Variants in PLCL1 observed in about 807,000 individuals in gnomAD.
PLCL1 encodes phospholipase C like 1 (inactive).
A neutral mutation model predicts 84.4 loss-of-function variants in PLCL1; 41 were observed. That is an observed-to-expected ratio of 0.49 (90% CI 0.38 to 0.63). The LOEUF is 0.63. PLCL1 is among the 30% of genes least tolerant of loss of function. The pLI, the probability that PLCL1 is intolerant of heterozygous loss-of-function variation, is 0.00. For missense variants in PLCL1, 1,206 were observed against 1,367.8 expected, an observed-to-expected ratio of 0.88 and a Z score of 1.87; for synonymous variants, 490 against 488.3, an observed-to-expected ratio of 1.00 and a Z score of -0.05.
intron 1 of PLCL1, among the ~76,000 whole-genome samples, chr2:197,993,053 C>T (rs1268332261): frequency 1.3e-5 from 2 of 152,144 alleles, no homozygotes; most frequent in Non-Finnish European, 2.9e-5. Context: ...GATTGTATGA[C>T]AATTCCATGT....
intron 1 of PLCL1, among the ~76,000 whole-genome samples, chr2:197,876,362 T>G (rs1687731618): frequency 6.6e-6 from 1 of 152,198 alleles, no homozygotes; most frequent in Non-Finnish European, 1.5e-5. Context: ...TCCCGGAATC[T>G]AATCTGAAAT....
At chr2:197,975,800 C>A (rs374529840) in intron 1 of PLCL1, among the ~76,000 whole-genome samples, 1 of 151,994 alleles carries the variant, frequency 6.6e-6, no homozygotes, top group African/African-American at 2.4e-5. Context: ...GGTAACACAG[C>A]GAGGCTCTTT....
Position 197,899,730 on chromosome 2 carries a change from G to A in PLCL1, c.240+94391G>A, listed in dbSNP as rs554046882. Among the ~76,000 whole-genome samples the A allele has an allele frequency of 2.4e-3, 356 of 148,728 alleles. 3 individuals carry two copies. Among genetic ancestry groups the A allele is most frequent in the Non-Finnish European group, 2.2e-3 (150 of 67,576 alleles). On this transcript the variant is annotated intron_variant, in intron 1 of 5. Transcript: ENST00000428675. The stretch of plus-strand genomic sequence containing the variant: ...GGCTCACTGCAAGCTCCGCCTCCCA[G>A]GTTCACGCCATTCTCCTGCCTCAGC...
rs545763395 is a variant in PLCL1 at position 197,807,020 on chromosome 2, A to G, written c.240+1681A>G. Reference sequence around the variant, plus strand: ...TGTGACAAAAAAGGAGGGAGACAACAGAATATTAACTTGATTTTTCCCCTA... The same window carrying G: ...TGTGACAAAAAAGGAGGGAGACAACGGAATATTAACTTGATTTTTCCCCTA... On this transcript the variant is annotated intron_variant, in intron 1 of 5. Coordinates refer to ENST00000428675, the MANE Select transcript of PLCL1 (RefSeq NM_006226.4). Among the ~76,000 whole-genome samples the G allele has an allele frequency of 3.3e-5, 5 of 152,354 alleles. No individual in the cohort carries two copies. The South Asian group carries it at 8.3e-4, about 25-fold the overall frequency.
At chr2:198,012,987 C>A (rs1284279871) in intron 1 of PLCL1, among the ~76,000 whole-genome samples, 1 of 152,000 alleles carries the variant, frequency 6.6e-6, no homozygotes. Context: ...TCTGCCCCCT[C>A]CCAGTTTATG....
intron 1 of PLCL1, among the ~76,000 whole-genome samples, chr2:197,998,173 C>CTGTGTG (rs1332006979): frequency 2.7e-4 from 21 of 77,342 alleles, no homozygotes; most frequent in Non-Finnish European, 3.7e-4. Context: ...AAGAATGGAG[C>CTGTGTG]TATGTGTGTG....
chr2:197,840,775 T>C (rs1485587290), intron 1 of PLCL1, among the ~76,000 whole-genome samples: 1 of 152,160 alleles, frequency 6.6e-6, no homozygotes, highest in African/African-American at 2.4e-5. Context: ...GAATGGACCA[T>C]AGCACCCTAG....
chr2:197,943,650 A>G (rs1483897779), intron 1 of PLCL1, among the ~76,000 whole-genome samples: 1 of 39,568 alleles, frequency 2.5e-5, no homozygotes, highest in South Asian at 7.0e-4. Flanking sequence ...TTTTTTTGTT[A>G]CTTTGTTGTG....
At chr2:197,813,043 C>T (rs958024305) in intron 1 of PLCL1, among the ~76,000 whole-genome samples, 11 of 152,130 alleles carry the variant, frequency 7.2e-5, no homozygotes, top group Non-Finnish European at 1.0e-4. Flanking sequence ...CAGGGGCACA[C>T]GCATTAGGGC....
intron 1 of PLCL1, among the ~76,000 whole-genome samples, chr2:197,876,689 A>G (rs1334526868): frequency 1.3e-5 from 2 of 152,072 alleles, no homozygotes; most frequent in African/African-American, 2.4e-5. Flanking sequence ...TCATTTTAAT[A>G]CTACACTTGC....
intron 1 of PLCL1, among the ~76,000 whole-genome samples, chr2:198,057,500 T>C (rs1213706158): frequency 6.6e-6 from 1 of 152,192 alleles, no homozygotes; most frequent in Non-Finnish European, 1.5e-5. Flanking sequence ...TTATCCAAGA[T>C]TACATAGTGA....
intron 1 of PLCL1, among the ~76,000 whole-genome samples, chr2:197,918,743 G>A (rs1480640461): frequency 2.6e-5 from 4 of 152,158 alleles, no homozygotes; most frequent in East Asian, 1.9e-4. Context: ...GCAACATGGC[G>A]AAACTCAATC....
intron 1 of PLCL1, among the ~76,000 whole-genome samples, chr2:197,914,701 G>A (rs1367373114): frequency 6.6e-6 from 1 of 152,180 alleles, no homozygotes; most frequent in East Asian, 1.9e-4. Flanking sequence ...GCAGTCCTGT[G>A]TCGCAGGGTG....
Position 198,084,120 on chromosome 2 carries a change from G to A in PLCL1, c.603G>A (p.Leu201=). 1.2e-6 allele frequency: 2 copies of A among 1,614,132 alleles called. No individual in the cohort carries two copies. The highest frequency in any genetic ancestry group is 8.5e-7 in the Non-Finnish European group (1 of 1,179,992). Reference sequence around the variant, plus strand: ...TCCACGGGGAAAACTATGAGTCTCTGGACCTAGTTGCCAATTCAGCAGATG... The same window carrying A: ...TCCACGGGGAAAACTATGAGTCTCTAGACCTAGTTGCCAATTCAGCAGATG... ...SILHGENYES[L]DLVANSADVA... The change falls in exon 2 of 6, where the codon CTG becomes CTA. Residue 201 remains leucine (L), a synonymous_variant. Transcript: ENST00000428675.
chr2:197,831,511 T>C (rs1691060406), intron 1 of PLCL1, among the ~76,000 whole-genome samples: 1 of 151,712 alleles, frequency 6.6e-6, no homozygotes, highest in African/African-American at 2.4e-5. Context: ...AGCACCCAGA[T>C]TCATAAAGCA....
intron 1 of PLCL1, among the ~76,000 whole-genome samples, chr2:197,820,393 T>C (rs1317875597): frequency 6.6e-6 from 1 of 152,130 alleles, no homozygotes; most frequent in African/African-American, 2.4e-5. Flanking sequence ...ATGGGGTATG[T>C]ATGCCAGCCT....
At chr2:198,043,142 C>G (rs2105861012) in intron 1 of PLCL1, among the ~76,000 whole-genome samples, 1 of 152,172 alleles carries the variant, frequency 6.6e-6, no homozygotes, top group East Asian at 1.9e-4. Flanking sequence ...AAGGCTGATT[C>G]TTGCAAGGGT....
At chr2:197,853,189 A>T (rs1687271595) in intron 1 of PLCL1, among the ~76,000 whole-genome samples, 1 of 152,224 alleles carries the variant, frequency 6.6e-6, no homozygotes, top group South Asian at 2.1e-4. Flanking sequence ...GGTAGCAGGT[A>T]TCAGAATTTC....
intron 1 of PLCL1, among the ~76,000 whole-genome samples, chr2:197,924,107 G>C (rs1300914591): frequency 1.4e-5 from 2 of 142,692 alleles, no homozygotes; most frequent in African/African-American, 5.2e-5. Context: ...GTACAGTCCA[G>C]CTTCGGCTCC....
Sources: gnomAD v4.1 joint callset for allele counts (sites outside exome capture counted in the v4.1 genomes callset) on GRCh38, gnomAD v4.1.1 for gene constraint, MANE v1.5 for transcripts, NCBI Gene and HGNC (gene_info 2026-07-23, HGNC 2026-07-21) for gene names.